Variants in PDE4D observed in about 807,000 individuals in gnomAD.
PDE4D encodes the protein phosphodiesterase 4D.
A neutral mutation model predicts 87.4 loss-of-function variants in PDE4D; 24 were observed. The ratio of observed to expected loss-of-function variants is 0.27; its 90% CI spans 0.20 to 0.39. The LOEUF (loss-of-function observed/expected upper bound fraction) is 0.39, where lower values mean the gene tolerates loss of function less well. Among genes scored for constraint, PDE4D ranks in the 10% least tolerant of loss-of-function variants. PDE4D has a pLI of 1.00. For synonymous variants in PDE4D, 384 were observed against 383.2 expected, an observed-to-expected ratio of 1.00 and a Z score of -0.02; for missense variants, 714 against 1,041.0, an observed-to-expected ratio of 0.69 and a Z score of 4.32.
intron 2 of PDE4D, among the ~76,000 whole-genome samples, chr5:60,144,247 C>G (rs1024299550): frequency 3.3e-5 from 5 of 152,224 alleles, no homozygotes; most frequent in Admixed American, 1.3e-4. Context: ...GCTGAATGAT[C>G]TGCTCATTCC....
Position 58,973,042 on chromosome 5 carries a change from A to T in PDE4D, c.*1622T>A, listed in dbSNP as rs1006396904. On this transcript the variant is annotated 3_prime_UTR_variant, in exon 15 of 15. Coordinates refer to ENST00000340635, the MANE Select transcript of PDE4D (RefSeq NM_001104631.2). The stretch of plus-strand genomic sequence containing the variant: ...CTTCCTACACGTTATGTGGCTGTCC[A>T]TTAAGGAAGAGTAGTTGCTACACTT... 1 of 152,190 alleles carries T rather than the reference A, an allele frequency of 6.6e-6. No homozygotes were observed. Among genetic ancestry groups the T allele is most frequent in the Non-Finnish European group, 1.5e-5 (1 of 68,026 alleles). 9.4% of individuals were successfully genotyped at this position (152,190 alleles called of 1,614,324 possible).
At chr5:60,216,845 G>C (rs1308926689) in intron 1 of PDE4D, among the ~76,000 whole-genome samples, 2 of 151,996 alleles carry the variant, frequency 1.3e-5, no homozygotes, top group Non-Finnish European at 2.9e-5. Flanking sequence ...ATAATAGTTG[G>C]ATACTTTAAT....
intron 1 of PDE4D, among the ~76,000 whole-genome samples, chr5:60,223,398 A>G (rs1744721638): frequency 6.6e-6 from 1 of 152,124 alleles, no homozygotes; most frequent in Admixed American, 6.6e-5. Flanking sequence ...TTTAGCACGT[A>G]TGGAAGAGAA....
chr5:59,949,355 C>T (rs779142557), intron 3 of PDE4D, among the ~76,000 whole-genome samples: 28 of 150,358 alleles, frequency 1.9e-4, no homozygotes, highest in Admixed American at 3.3e-4. Context: ...ATGGCGTGAA[C>T]CTGGGAGGCG....
intron 1 of PDE4D, among the ~76,000 whole-genome samples, chr5:59,256,381 T>G (rs1050243402): frequency 5.3e-5 from 8 of 152,094 alleles, no homozygotes; most frequent in African/African-American, 1.9e-4. Flanking sequence ...TGAATTTGTT[T>G]GAATTCATTA....
At chr5:59,111,016 C>T (rs1047162280) in intron 5 of PDE4D, among the ~76,000 whole-genome samples, 1 of 152,300 alleles carries the variant, frequency 6.6e-6, no homozygotes, top group Admixed American at 6.5e-5. Context: ...GCCTCCACAC[C>T]CAGGAGGATT....
chr5:59,297,506 A>T (rs2153558612), intron 1 of PDE4D, among the ~76,000 whole-genome samples: 1 of 152,242 alleles, frequency 6.6e-6, no homozygotes, highest in East Asian at 1.9e-4. Context: ...GAAAGACATA[A>T]TGTCCATGAA....
chr5:59,685,551 A>T (rs1749716762), intron 1 of PDE4D, among the ~76,000 whole-genome samples: 2 of 152,228 alleles, frequency 1.3e-5, no homozygotes, highest in South Asian at 2.1e-4. Flanking sequence ...TTGAAAGCAG[A>T]AAAACAAAGA....
At chr5:59,464,135 C>T (rs1329990148) in intron 1 of PDE4D, among the ~76,000 whole-genome samples, 4 of 152,144 alleles carry the variant, frequency 2.6e-5, no homozygotes, top group African/African-American at 9.7e-5. Flanking sequence ...AAGGTTTCTC[C>T]CCATGTGATA....
intron 1 of PDE4D, among the ~76,000 whole-genome samples, chr5:60,508,895 T>TTATG (rs1750442472): frequency 6.6e-6 from 1 of 151,832 alleles, no homozygotes; most frequent in Non-Finnish European, 1.5e-5. Flanking sequence ...TTTCTTTTAT[T>TTATG]TATTTATTTA....
intron 3 of PDE4D, among the ~76,000 whole-genome samples, chr5:59,930,089 G>C (rs902001264): frequency 3.3e-5 from 5 of 150,348 alleles, no homozygotes; most frequent in Non-Finnish European, 5.9e-5. Context: ...GTGAACCCGG[G>C]AGGCGGAGCT....
At chr5:59,087,910 C>A (rs1420965970) in intron 5 of PDE4D, among the ~76,000 whole-genome samples, 1 of 152,172 alleles carries the variant, frequency 6.6e-6, no homozygotes, top group East Asian at 1.9e-4. Flanking sequence ...ATTTTCTTCT[C>A]TTCTCTAGTC....
chr5:60,402,336 G>A (rs929427624), intron 1 of PDE4D, among the ~76,000 whole-genome samples: 7 of 152,308 alleles, frequency 4.6e-5, no homozygotes, highest in Admixed American at 3.9e-4. Context: ...TCCTCTCTGA[G>A]TTGCAGTTCC....
chr5:59,336,815 A>G (rs1253553613), intron 1 of PDE4D, among the ~76,000 whole-genome samples: 1 of 152,144 alleles, frequency 6.6e-6, no homozygotes, highest in Non-Finnish European at 1.5e-5. Context: ...ACCCAGCCTT[A>G]GTAGCAGATG....
intron 2 of PDE4D, among the ~76,000 whole-genome samples, chr5:60,047,177 G>A (rs1486437315): frequency 6.6e-6 from 1 of 152,196 alleles, no homozygotes; most frequent in Non-Finnish European, 1.5e-5. Flanking sequence ...AGTATTCTCT[G>A]ATGGTAGTTT....
chr5:59,276,221 A>C lies in PDE4D; in HGVS notation c.456-60253T>G, dbSNP rs1764797297. The C allele has an allele frequency of 7.6e-6, 6 of 789,058 alleles. No homozygotes were observed. In the South Asian group the frequency reaches 2.9e-4, roughly 38 times the overall value. 48.9% of individuals were successfully genotyped at this position (789,058 alleles called of 1,614,324 possible). Reference sequence around the variant, plus strand: ...AAGGGGCGGATCAGCTCCAGAGACCAGCACTGTAAACCGGCCAAGCAGACA... The same window carrying C: ...AAGGGGCGGATCAGCTCCAGAGACCCGCACTGTAAACCGGCCAAGCAGACA... On this transcript the variant is annotated intron_variant, in intron 1 of 14. Transcript: ENST00000340635.
intron 1 of PDE4D, among the ~76,000 whole-genome samples, chr5:60,474,705 C>A (rs989411392): frequency 5.9e-5 from 9 of 152,184 alleles, no homozygotes; most frequent in African/African-American, 2.2e-4. Flanking sequence ...TTCAGACACA[C>A]TTTCCACTCT....
chr5:59,634,263 T>G (rs1030456920), intron 1 of PDE4D, among the ~76,000 whole-genome samples: 1 of 152,160 alleles, frequency 6.6e-6, no homozygotes, highest in African/African-American at 2.4e-5. Context: ...ACAAAGAGAC[T>G]TAGACTTCCA....
At chr5:59,714,964 TG>T (rs1754781524) in intron 1 of PDE4D, among the ~76,000 whole-genome samples, 1 of 152,234 alleles carries the variant, frequency 6.6e-6, no homozygotes, top group Non-Finnish European at 1.5e-5. Context: ...TGGTTTTGGC[TG>T]GGGCCTGTGG....
Sources: allele counts gnomAD v4.1 joint callset (sites outside exome capture counted in the v4.1 genomes callset), GRCh38; gene constraint gnomAD v4.1.1; transcripts MANE v1.5; gene names NCBI Gene and HGNC (gene_info 2026-07-23, HGNC 2026-07-21).